Variants in UBE2K observed in about 807,000 individuals in gnomAD.
The protein encoded by UBE2K is ubiquitin-conjugating enzyme E2 K.
UBE2K carries 6 observed loss-of-function variants against 30.0 expected under a neutral mutation model. The ratio of observed to expected loss-of-function variants is 0.20; its 90% CI spans 0.11 to 0.39. The LOEUF (loss-of-function observed/expected upper bound fraction) is 0.39, where lower values mean the gene tolerates loss of function less well. Among genes scored for constraint, UBE2K ranks in the 10% least tolerant of loss-of-function variants. The pLI, the probability that UBE2K is intolerant of heterozygous loss-of-function variation, is 1.00. For synonymous variants in UBE2K, 86 were observed against 83.7 expected (o/e 1.03, Z -0.15); for missense variants, 61 against 241.6 (o/e 0.25, Z 4.96).
At chr4:39,777,251 T>A (rs940875904) in intron 5 of UBE2K, among the ~76,000 whole-genome samples, 2 of 152,246 alleles carry the variant, frequency 1.3e-5, no homozygotes, top group African/African-American at 4.8e-5. Flanking sequence ...AATCTAGTTG[T>A]ATTCTAGCCT....
rs575732310 is a variant in UBE2K, at chr4:39,737,831, C to T, written c.157+318C>T. On this transcript the variant is annotated intron_variant, in intron 2 of 6. Transcript: ENST00000261427. ...TATGGACTGTAGACACTCAGTTACC[C>T]TTCATATGGTATCTAAAACAGACCT... 9.2e-5 allele frequency among the ~76,000 whole-genome samples: 14 copies of T among 152,266 alleles called. No individual in the cohort carries two copies. In the South Asian group the frequency reaches 2.3e-3, roughly 25 times the overall value.
Position 39,713,633 on chromosome 4 carries a change from G to A in UBE2K, c.63+15243G>A, listed in dbSNP as rs537248869. On this transcript the variant is annotated intron_variant, in intron 1 of 6. Coordinates refer to ENST00000261427, the MANE Select transcript of UBE2K (RefSeq NM_005339.5). Reference sequence around the variant, plus strand: ...AATGTTCAGTGGCATTAAGGACATTGTGTAGCTATCACCACCATCCATCTC... The same window carrying A: ...AATGTTCAGTGGCATTAAGGACATTATGTAGCTATCACCACCATCCATCTC... Among the ~76,000 whole-genome samples the A allele has an allele frequency of 2.6e-4, 39 of 151,690 alleles. 1 individual carries two copies. In the South Asian group the frequency reaches 7.9e-3, roughly 31 times the overall value.
chr4:39,753,457 A>G (rs890932361), intron 3 of UBE2K, among the ~76,000 whole-genome samples: 5 of 152,228 alleles, frequency 3.3e-5, no homozygotes, highest in Admixed American at 2.6e-4. Context: ...TTTTGCCGTA[A>G]TATTAAGTGC....
intron 2 of UBE2K, among the ~76,000 whole-genome samples, chr4:39,742,909 TGTG>T (rs1282632430): frequency 6.6e-6 from 1 of 152,022 alleles, no homozygotes. Context: ...AGCTGGGCAT[TGTG>T]GTGGGCACCT....
Position 39,760,195 on chromosome 4 carries a change from G to GA in UBE2K, c.299+4471dup, listed in dbSNP as rs71194914. ...CTGTCACAAAAAAAAAAAAAAAACA[G>GA]AAAAAAAAAAAAAAACAAATAATGT... is the stretch of plus-strand genomic sequence containing the variant. On this transcript the variant is annotated intron_variant, in intron 4 of 6. Coordinates refer to ENST00000261427, the MANE Select transcript of UBE2K (RefSeq NM_005339.5). Among the ~76,000 whole-genome samples, 496 of 102,594 alleles carry GA rather than the reference G, an allele frequency of 4.8e-3. 7 individuals carry two copies. The highest frequency in any genetic ancestry group is 0.015 in the African/African-American group (388 of 25,398). 67.3% of individuals were successfully genotyped at this position (102,594 alleles called of 152,430 possible).
At chr4:39,722,434 A>G (rs115029205) in intron 1 of UBE2K, among the ~76,000 whole-genome samples, 27 of 152,322 alleles carry the variant, frequency 1.8e-4, no homozygotes, top group African/African-American at 6.3e-4. Context: ...CATTTGATTA[A>G]GGTGGGAACT....
intron 1 of UBE2K, among the ~76,000 whole-genome samples, chr4:39,699,850 ATGTT>A (rs1462436353): frequency 2.6e-5 from 4 of 152,164 alleles, no homozygotes; most frequent in Admixed American, 1.3e-4. Context: ...TCTGACCTCT[ATGTT>A]TGTTCATATG....
At chr4:39,721,842 A>G (rs1190764290) in intron 1 of UBE2K, among the ~76,000 whole-genome samples, 1 of 152,028 alleles carries the variant, frequency 6.6e-6, no homozygotes, top group Non-Finnish European at 1.5e-5. Flanking sequence ...TAATCCTTGC[A>G]CTTTAGGAGG....
intron 4 of UBE2K, chr4:39,770,944 T>C: frequency 2.5e-6 from 4 of 1,575,366 alleles, no homozygotes; most frequent in Non-Finnish European, 3.4e-6. Flanking sequence ...GGGTGGGGGC[T>C]TCGGGGCTGG....
intron 3 of UBE2K, among the ~76,000 whole-genome samples, chr4:39,749,250 G>A (rs1277164808): frequency 6.6e-6 from 1 of 152,212 alleles, no homozygotes; most frequent in East Asian, 1.9e-4. Context: ...TGATAATAGT[G>A]TAGAAGGAAT....
rs1713640284 is a variant in UBE2K, at chr4:39,781,980, C to T, written c.*3546C>T. 1 of 398,292 alleles carries T rather than the reference C, an allele frequency of 2.5e-6. No homozygotes were observed. Among genetic ancestry groups the T allele is most frequent in the Non-Finnish European group, 4.4e-6 (1 of 225,914 alleles). The allele number at this position is 398,292 out of a possible 1,614,324, so 24.7% of individuals were successfully genotyped here. ...CCCAAGTGTGACTTTTCTTCAGTGT[C>T]TACATATTATGTCACACGTTCTATT... On this transcript the variant is annotated 3_prime_UTR_variant, in exon 7 of 7. Coordinates refer to ENST00000261427, the MANE Select transcript of UBE2K (RefSeq NM_005339.5).
At chr4:39,700,509 C>T (rs781774280) in intron 1 of UBE2K, among the ~76,000 whole-genome samples, 1 of 152,034 alleles carries the variant, frequency 6.6e-6, no homozygotes, top group African/African-American at 2.4e-5. Flanking sequence ...TAAATATAAC[C>T]AATAAATAGC....
intron 3 of UBE2K, among the ~76,000 whole-genome samples, chr4:39,748,368 A>G (rs1176922392): frequency 6.6e-6 from 1 of 152,174 alleles, no homozygotes; most frequent in African/African-American, 2.4e-5. Flanking sequence ...TGCTGGGATT[A>G]CAGGCGTGAA....
At chr4:39,776,610 C>T (rs550908055) in intron 5 of UBE2K, among the ~76,000 whole-genome samples, 56 of 152,274 alleles carry the variant, frequency 3.7e-4, no homozygotes, top group African/African-American at 1.0e-3. Flanking sequence ...CATATTTCCT[C>T]TGCCTGAGGA....
intron 4 of UBE2K, chr4:39,770,481 C>T (rs1712716781): frequency 1.9e-6 from 3 of 1,610,626 alleles, no homozygotes; most frequent in African/African-American, 1.3e-5. Flanking sequence ...TAAGGGGTTT[C>T]CACCTGAGAA....
At chr4:39,717,521 G>A (rs939232782) in intron 1 of UBE2K, among the ~76,000 whole-genome samples, 5 of 151,830 alleles carry the variant, frequency 3.3e-5, no homozygotes, top group Non-Finnish European at 5.9e-5. Flanking sequence ...GAGCCACCAC[G>A]CCCAGCCTCT....
At chr4:39,773,778 G>T (rs573928795) in intron 4 of UBE2K, among the ~76,000 whole-genome samples, 1 of 151,692 alleles carries the variant, frequency 6.6e-6, no homozygotes, top group Non-Finnish European at 1.5e-5. Context: ...AAAATTAGCC[G>T]GGCGTGGTGG....
At chr4:39,768,940 C>T (rs1712542414) in intron 4 of UBE2K, among the ~76,000 whole-genome samples, 1 of 152,122 alleles carries the variant, frequency 6.6e-6, no homozygotes, top group Non-Finnish European at 1.5e-5. Flanking sequence ...TCACTGCAAC[C>T]TCAGCCTTCC....
chr4:39,727,507 A>G (rs901074619), intron 1 of UBE2K, among the ~76,000 whole-genome samples: 3 of 151,542 alleles, frequency 2.0e-5, no homozygotes, highest in African/African-American at 7.3e-5. Context: ...GACTATGGCC[A>G]TGCACCACCA....
Sources: gnomAD v4.1 joint callset for allele counts (sites outside exome capture counted in the v4.1 genomes callset) on GRCh38, gnomAD v4.1.1 for gene constraint, MANE v1.5 for transcripts, NCBI Gene and HGNC (gene_info 2026-07-23, HGNC 2026-07-21) for gene names.